The following RFWD3 variants were observed in gnomAD, a reference collection of about 807,000 sequenced individuals.
The protein encoded by RFWD3 is E3 ubiquitin-protein ligase RFWD3.
RFWD3 carries 65 observed loss-of-function variants against 87.7 expected under a neutral mutation model. The observed-to-expected ratio is 0.74, with a 90% CI of 0.61 to 0.91. RFWD3 has a LOEUF of 0.91. RFWD3 is among the 40% of genes least tolerant of loss of function. The probability of loss-of-function intolerance (pLI) is 0.00; values close to 1 mark genes in which losing one functional copy is unlikely to be tolerated. For missense variants in RFWD3, 1,078 were observed against 938.5 expected (o/e 1.15, Z -1.94); for synonymous variants, 433 against 352.8 (o/e 1.23, Z -2.55).
intron 2 of RFWD3, among the ~76,000 whole-genome samples, chr16:74,653,534 T>TAAAC (rs1340374661): frequency 2.0e-5 from 3 of 151,710 alleles, no homozygotes; most frequent in African/African-American, 7.2e-5. Context: ...AAAAAATGGC[T>TAAAC]GAGTTTGGTG....
chr16:74,632,531 T>C lies in RFWD3; in HGVS notation c.1569A>G (p.Lys523=), dbSNP rs1364030570. The change falls in exon 9 of 13, where the codon AAA becomes AAG. Residue 523 remains lysine (K), a synonymous_variant. Coordinates refer to ENST00000361070, the MANE Select transcript of RFWD3 (RefSeq NM_018124.4). ...TTCCCCAAATCACTCACCTGGTCAG[T>C]TTAATAGTGTTGTCTAGGGAAGCAG... ...LLSASLDNTI[K]LTSLETNTVV... The C allele has an allele frequency of 6.2e-7, 1 of 1,613,806 alleles. No homozygotes were observed. The highest frequency in any genetic ancestry group is 8.5e-7 in the Non-Finnish European group (1 of 1,179,808).
intron 12 of RFWD3, among the ~76,000 whole-genome samples, chr16:74,625,522 A>AAAAAAAAGGACAG (rs1476265052): frequency 3.3e-5 from 5 of 151,590 alleles, no homozygotes; most frequent in African/African-American, 1.2e-4. Flanking sequence ...AAGAAAAAAA[A>AAAAAAAAGGACAG]AAAAAGGACA....
chr16:74,641,852 G>A (rs1959674334), intron 6 of RFWD3, among the ~76,000 whole-genome samples: 1 of 144,896 alleles, frequency 6.9e-6, no homozygotes, highest in South Asian at 2.3e-4. Flanking sequence ...CTTGAACCTG[G>A]GAGGCGGGAA....
intron 4 of RFWD3, among the ~76,000 whole-genome samples, chr16:74,647,627 C>T (rs948254621): frequency 1.3e-5 from 2 of 151,766 alleles, no homozygotes; most frequent in Non-Finnish European, 2.9e-5. Flanking sequence ...AGTCGTGCTC[C>T]GTCTCCCAAG....
chr16:74,638,521 A>G (rs1959348168), intron 6 of RFWD3, among the ~76,000 whole-genome samples: 1 of 152,216 alleles, frequency 6.6e-6, no homozygotes, highest in African/African-American at 2.4e-5. Flanking sequence ...ATGTACCTAA[A>G]AACAGTCTCA....
At chr16:74,646,935 A>G (rs1960194798) in intron 4 of RFWD3, among the ~76,000 whole-genome samples, 1 of 139,670 alleles carries the variant, frequency 7.2e-6, no homozygotes. Flanking sequence ...CAACAACAAC[A>G]AAATTAGCCA....
In RFWD3 at chr16:74,661,260, G is replaced by A. The variant is rs373065914; in HGVS notation, c.190C>T (p.Gln64Ter). The change falls in exon 2 of 13, where the codon CAA (glutamine) becomes TAA (stop). Residue 64 changes from glutamine (Q) to a stop codon, truncating the protein, a stop_gained. Transcript: ENST00000361070. LOFTEE classifies it high-confidence loss of function. ...QPAPAEVISSQATPPLLQPAP... is the reference protein window; with the variant it reads ...QPAPAEVISS Reference sequence around the variant, plus strand: ...GGCTGGAGCAGGGGTGGTGTCGCTTGGCTGCTGATCACCTCAGCAGGAGCT... The same window carrying A: ...GGCTGGAGCAGGGGTGGTGTCGCTTAGCTGCTGATCACCTCAGCAGGAGCT... 2 of 1,614,178 alleles carry A rather than the reference G, an allele frequency of 1.2e-6. No individual in the cohort carries two copies. Among genetic ancestry groups the A allele is most frequent in the Non-Finnish European group, 1.7e-6 (2 of 1,180,022 alleles).
chr16:74,659,507 A>G (rs2144338870), intron 2 of RFWD3, among the ~76,000 whole-genome samples: 1 of 152,278 alleles, frequency 6.6e-6, no homozygotes, highest in South Asian at 2.1e-4. Context: ...AGGCACAAGA[A>G]TCGCTTGAAC....
At chr16:74,653,237 G>C (rs1287458877) in intron 2 of RFWD3, among the ~76,000 whole-genome samples, 1 of 152,148 alleles carries the variant, frequency 6.6e-6, no homozygotes, top group African/African-American at 2.4e-5. Flanking sequence ...TACTTGGGAG[G>C]CCAAGGTGGG....
intron 12 of RFWD3, among the ~76,000 whole-genome samples, chr16:74,625,866 C>A (rs1349416770): frequency 6.6e-6 from 1 of 152,144 alleles, no homozygotes; most frequent in African/African-American, 2.4e-5. Flanking sequence ...GACAGTGCTA[C>A]TCTAGGCCTT....
chr16:74,662,298 C>T (rs565555552), intron 1 of RFWD3, among the ~76,000 whole-genome samples: 2 of 152,204 alleles, frequency 1.3e-5, no homozygotes, highest in South Asian at 2.1e-4. Flanking sequence ...TATAACTTAT[C>T]CCCTTAATTA....
At chr16:74,660,208 C>T (rs1961312602) in intron 2 of RFWD3, among the ~76,000 whole-genome samples, 1 of 152,104 alleles carries the variant, frequency 6.6e-6, no homozygotes, top group Admixed American at 6.5e-5. Flanking sequence ...GAACAAAGCC[C>T]TCTCTGAGCG....
rs61530089 is a variant in RFWD3 at position 74,661,985 on chromosome 16, TTATCC to T, written c.-2-539_-2-535del. Among the ~76,000 whole-genome samples the T allele has an allele frequency of 9.5e-3, 1,451 of 152,262 alleles. 11 individuals carry two copies. Among genetic ancestry groups the T allele is most frequent in the Middle Eastern group, 0.017 (5 of 294 alleles). On this transcript the variant is annotated intron_variant, in intron 1 of 12. Transcript: ENST00000361070. ...TGTTTCCAAAAAGGCTGAGCAAACT[TTATCC>T]TATCCCTTTCATTATTTTTGTTTTC...
At chr16:74,656,624 T>A (rs528634336) in intron 2 of RFWD3, among the ~76,000 whole-genome samples, 3 of 152,130 alleles carry the variant, frequency 2.0e-5, no homozygotes, top group African/African-American at 7.2e-5. Flanking sequence ...GCCCAGCTAA[T>A]TTTTGTATTT....
chr16:74,657,622 C>A (rs1342166375), intron 2 of RFWD3, among the ~76,000 whole-genome samples: 4 of 151,876 alleles, frequency 2.6e-5, no homozygotes, highest in Non-Finnish European at 4.4e-5. Flanking sequence ...ATTATGGGCA[C>A]CCGCCACCAC....
chr16:74,637,489 T>C (rs1959242526), intron 7 of RFWD3, among the ~76,000 whole-genome samples: 1 of 152,056 alleles, frequency 6.6e-6, no homozygotes. Flanking sequence ...TAGCTGGGCA[T>C]GGTGGTGGGC....
chr16:74,636,298 T>C (rs767975416), intron 8 of RFWD3, 48 bp downstream of exon 8: 3 of 1,514,914 alleles, frequency 2.0e-6, no homozygotes, highest in Admixed American at 3.4e-5. Flanking sequence ...GAAATAAATA[T>C]ATGGAGTCTA....
chr16:74,644,793 A>T, intron 4 of RFWD3, 58 bp from the exon 5 acceptor site: 1 of 1,527,350 alleles, frequency 6.5e-7, no homozygotes, highest in Non-Finnish European at 8.9e-7. Context: ...ATCTTGAAGA[A>T]GATGTGCAAC....
chr16:74,636,961 C>T (rs1216938804), intron 7 of RFWD3, among the ~76,000 whole-genome samples: 11 of 151,986 alleles, frequency 7.2e-5, no homozygotes, highest in Non-Finnish European at 1.6e-4. Flanking sequence ...GATCCACCCG[C>T]CTCGGCCGCC....
Sources: allele counts gnomAD v4.1 joint callset (sites outside exome capture counted in the v4.1 genomes callset), GRCh38; gene constraint gnomAD v4.1.1; transcripts MANE v1.5; gene names NCBI Gene and HGNC (gene_info 2026-07-23, HGNC 2026-07-21).